The following UGT1A10 variants were observed in gnomAD, a reference collection of about 807,000 sequenced individuals.
UGT1A10 encodes the protein UDP-glucuronosyltransferase 1A10.
A neutral mutation model predicts 45.8 loss-of-function variants in UGT1A10; 49 were observed. The ratio of observed to expected loss-of-function variants is 1.07; its 90% CI spans 0.85 to 1.36. UGT1A10 has a LOEUF of 1.36. Ranked by LOEUF, UGT1A10 falls within the 40% of genes most tolerant of loss-of-function variation. The pLI is 0.00. For missense variants in UGT1A10, 745 were observed against 668.6 expected, an observed-to-expected ratio of 1.11 and a Z score of -1.26; for synonymous variants, 284 against 249.7, an observed-to-expected ratio of 1.14 and a Z score of -1.29.
At chr2:233,713,299 C>G (rs1373926847) in intron 1 of UGT1A10, 1 of 1,614,114 alleles carries the variant, frequency 6.2e-7, no homozygotes, top group East Asian at 2.2e-5. Flanking sequence ...TTCTTTGAAA[C>G]AGAACATCTT....
chr2:233,737,998 C>A (rs1690658355), intron 1 of UGT1A10, among the ~76,000 whole-genome samples: 1 of 152,106 alleles, frequency 6.6e-6, no homozygotes, highest in South Asian at 2.1e-4. Context: ...GTGTCCCCCA[C>A]CAAATCTCAT....
intron 1 of UGT1A10, among the ~76,000 whole-genome samples, chr2:233,666,349 C>G (rs1325866663): frequency 1.3e-5 from 2 of 152,188 alleles, no homozygotes; most frequent in African/African-American, 4.8e-5. Flanking sequence ...GATAATTCAG[C>G]TATATCATTT....
At chr2:233,740,203 T>G (rs1381111431) in intron 1 of UGT1A10, among the ~76,000 whole-genome samples, 1 of 151,870 alleles carries the variant, frequency 6.6e-6, no homozygotes, top group Non-Finnish European at 1.5e-5. Context: ...TTTTATAAAT[T>G]ACCCAGTCTC....
intron 1 of UGT1A10, among the ~76,000 whole-genome samples, chr2:233,715,015 TACAGGCGCATGGCACC>T (rs1363692546): frequency 6.6e-6 from 1 of 152,224 alleles, no homozygotes; most frequent in African/African-American, 2.4e-5. Flanking sequence ...TAGCTGGAAC[TACAGGCGCATGGCACC>T]ACATCCAGCT....
chr2:233,712,992 A>T (rs1437373370), intron 1 of UGT1A10: 1 of 1,613,364 alleles, frequency 6.2e-7, no homozygotes, highest in South Asian at 1.1e-5. Flanking sequence ...TTCTGCTGAG[A>T]TGGCCACAGG....
intron 1 of UGT1A10, among the ~76,000 whole-genome samples, chr2:233,651,896 G>A (rs565619652): frequency 6.6e-6 from 1 of 152,076 alleles, no homozygotes; most frequent in Non-Finnish European, 1.5e-5. Flanking sequence ...AAAACTCATT[G>A]AGTCTATCCA....
chr2:233,642,942 G>T (rs1383348445), intron 1 of UGT1A10, among the ~76,000 whole-genome samples: 1 of 152,096 alleles, frequency 6.6e-6, no homozygotes, highest in African/African-American at 2.4e-5. Context: ...CAAGCTGGGG[G>T]TGGAGTGACA....
At chr2:233,730,438 G>A (rs1247930586) in intron 1 of UGT1A10, among the ~76,000 whole-genome samples, 7 of 152,192 alleles carry the variant, frequency 4.6e-5, no homozygotes, top group African/African-American at 7.2e-5. Context: ...GTCCCATCTT[G>A]CAAATGATAG....
chr2:233,640,660 A>G (rs2073427385), intron 1 of UGT1A10, among the ~76,000 whole-genome samples: 2 of 152,098 alleles, frequency 1.3e-5, no homozygotes, highest in African/African-American at 4.8e-5. Flanking sequence ...TAGGCTGCAA[A>G]TGCTGTTCTT....
chr2:233,755,331 G>T, intron 1 of UGT1A10: 2 of 462,216 alleles, frequency 4.3e-6, no homozygotes, highest in South Asian at 1.9e-5. Context: ...GCCAGCACCC[G>T]CGCACAGGTC....
At chr2:233,654,206 A>G (rs2073803309) in intron 1 of UGT1A10, among the ~76,000 whole-genome samples, 1 of 152,230 alleles carries the variant, frequency 6.6e-6, no homozygotes, top group African/African-American at 2.4e-5. Context: ...GAAAAAAAGG[A>G]AAAAAACCTC....
chr2:233,759,159 A>G (rs1697070842), intron 1 of UGT1A10, among the ~76,000 whole-genome samples: 1 of 152,222 alleles, frequency 6.6e-6, no homozygotes, highest in Admixed American at 6.5e-5. Context: ...CACAGAACAC[A>G]AGGCAGGCAG....
At chr2:233,764,035 A>G (rs1459516650) in intron 1 of UGT1A10, among the ~76,000 whole-genome samples, 2 of 152,226 alleles carry the variant, frequency 1.3e-5, no homozygotes, top group Non-Finnish European at 2.9e-5. Context: ...GTGCTAAAGA[A>G]GAATTCTGGG....
intron 1 of UGT1A10, among the ~76,000 whole-genome samples, chr2:233,726,762 C>T (rs2077560104): frequency 6.6e-6 from 1 of 152,196 alleles, no homozygotes; most frequent in Non-Finnish European, 1.5e-5. Flanking sequence ...CTACCACAGA[C>T]ACTAAGCTTA....
chr2:233,649,108 CA>C, intron 1 of UGT1A10: 1 of 783,138 alleles, frequency 1.3e-6, no homozygotes, highest in South Asian at 3.2e-5. Flanking sequence ...TGGGATTTGA[CA>C]TTTGTGTTTG....
intron 1 of UGT1A10, chr2:233,743,378 C>T: frequency 3.4e-6 from 4 of 1,169,960 alleles, no homozygotes; most frequent in South Asian, 1.3e-5. Context: ...CCATCACTAC[C>T]GTAGGACATG....
At chr2:233,752,037 A>G (rs1331054991) in intron 1 of UGT1A10, among the ~76,000 whole-genome samples, 2 of 152,222 alleles carry the variant, frequency 1.3e-5, no homozygotes, top group Non-Finnish European at 2.9e-5. Context: ...TAGAAAGGTA[A>G]GCTGTTGTGT....
rs568773315 is a variant in UGT1A10 at position 233,683,108 on chromosome 2, C to T, written c.855+45731C>T. Among the ~76,000 whole-genome samples, 110 of 152,126 alleles carry T rather than the reference C, an allele frequency of 7.2e-4. 1 individual carries two copies. The highest frequency in any genetic ancestry group is 2.3e-3 in the African/African-American group (97 of 41,512). On this transcript the variant is annotated intron_variant, in intron 1 of 4. Coordinates refer to ENST00000344644, the MANE Select transcript of UGT1A10 (RefSeq NM_019075.4). ...CTTTTTTTGCTAATTCTACACTACC[C>T]CCAGAGGAAAATATTCTTAGCAGTT... is the stretch of plus-strand genomic sequence containing the variant.
At chr2:233,661,992 G>T (rs2073980623) in intron 1 of UGT1A10, among the ~76,000 whole-genome samples, 1 of 151,924 alleles carries the variant, frequency 6.6e-6, no homozygotes, top group South Asian at 2.1e-4. Flanking sequence ...AGCCTCACAC[G>T]GCGTACTGAG....
Sources: gnomAD v4.1 joint callset for allele counts (sites outside exome capture counted in the v4.1 genomes callset) on GRCh38, gnomAD v4.1.1 for gene constraint, MANE v1.5 for transcripts, NCBI Gene and HGNC (gene_info 2026-07-23, HGNC 2026-07-21) for gene names.